HYDIN: variants seen among roughly 807,000 people sequenced by gnomAD.
HYDIN encodes axonemal central pair apparatus protein HYDIN.
HYDIN carries 132 observed loss-of-function variants against 403.9 expected under a neutral mutation model. The ratio of observed to expected loss-of-function variants is 0.33; its 90% CI spans 0.28 to 0.38. The LOEUF (loss-of-function observed/expected upper bound fraction) is 0.38, where lower values mean the gene tolerates loss of function less well. Among genes scored for constraint, HYDIN ranks in the 10% least tolerant of loss-of-function variants. The pLI, the probability that HYDIN is intolerant of heterozygous loss-of-function variation, is 1.00. For synonymous variants in HYDIN, 1,202 were observed against 1,891.7 expected (o/e 0.64, Z 9.46); for missense variants, 2,827 against 5,009.5 (o/e 0.56, Z 13.15).
intron 1 of HYDIN, among the ~76,000 whole-genome samples, chr16:71,210,271 A>G (rs1305545256): frequency 2.0e-5 from 3 of 152,252 alleles, no homozygotes; most frequent in Admixed American, 6.5e-5. Context: ...ATGCTCATCA[A>G]TGGTAGACTC....
At chr16:71,219,996 A>C (rs992783912) in intron 1 of HYDIN, among the ~76,000 whole-genome samples, 14 of 152,116 alleles carry the variant, frequency 9.2e-5, no homozygotes, top group Non-Finnish European at 1.5e-4. Flanking sequence ...TCTGAAATGT[A>C]CTCATCCCAA....
At chr16:71,054,225 G>T (rs550428797) in intron 18 of HYDIN, among the ~76,000 whole-genome samples, 9 of 152,398 alleles carry the variant, frequency 5.9e-5, no homozygotes, top group Non-Finnish European at 1.2e-4. Flanking sequence ...GAAACAAAAA[G>T]AATATAAAGA....
At chr16:70,836,352 A>C (rs1016674894) in intron 77 of HYDIN, among the ~76,000 whole-genome samples, 2 of 152,220 alleles carry the variant, frequency 1.3e-5, no homozygotes, top group African/African-American at 4.8e-5. Flanking sequence ...CTTTTAGGCC[A>C]TTGCTGAGTG....
At chr16:71,216,833 T>C (rs568196786) in intron 1 of HYDIN, among the ~76,000 whole-genome samples, 1 of 152,154 alleles carries the variant, frequency 6.6e-6, no homozygotes, top group Non-Finnish European at 1.5e-5. Context: ...TTCAAATAGG[T>C]CGCCTAAGTT....
chr16:71,066,533 A>G (rs1108873), intron 15 of HYDIN: 3 of 177,708 alleles, frequency 1.7e-5, no homozygotes, highest in Non-Finnish European at 3.6e-5. Flanking sequence ...TTTCCTATAC[A>G]TAGCATTTGC....
At chr16:71,050,029 T>A (rs59525815) in intron 18 of HYDIN, among the ~76,000 whole-genome samples, 6 of 145,186 alleles carry the variant, frequency 4.1e-5, no homozygotes, top group Non-Finnish European at 9.1e-5. Flanking sequence ...CTGGTTGGGG[T>A]GTGTGTGTGT....
chr16:70,809,964 G>T lies in HYDIN; in HGVS notation c.14702C>A (p.Thr4901Asn). The T allele has an allele frequency of 6.2e-7, 1 of 1,614,140 alleles. No individual in the cohort carries two copies. Among genetic ancestry groups the T allele is most frequent in the Non-Finnish European group, 8.5e-7 (1 of 1,180,008 alleles). The change falls in exon 85 of 86, where the codon ACC becomes AAC. Residue 4901 changes from threonine to asparagine, a missense_variant. Coordinates refer to ENST00000393567, the MANE Select transcript of HYDIN (RefSeq NM_001270974.2). ...FEFQPLKAGE[T>N]FGRLTLHNTD... ...GTTGTGCAAAGTTAGTCTTCCGAAG[G>T]TTTCTCCAGCTTTCAGGGGCTGAAA...
At chr16:70,829,040 A>ATGCT (rs1413713105) in intron 81 of HYDIN, among the ~76,000 whole-genome samples, 21 of 103,538 alleles carry the variant, frequency 2.0e-4, no homozygotes, top group Non-Finnish European at 7.6e-5. Context: ...TAATTACTTG[A>ATGCT]TGCTTGGTCT....
At chr16:70,976,996 CTG>C (rs747256787) in intron 30 of HYDIN, among the ~76,000 whole-genome samples, 1 of 152,180 alleles carries the variant, frequency 6.6e-6, no homozygotes, top group Non-Finnish European at 1.5e-5. Context: ...AAAGCCAACT[CTG>C]TGCTTGGCTC....
At chr16:71,211,503 G>A (rs565891088) in intron 1 of HYDIN, among the ~76,000 whole-genome samples, 4 of 151,976 alleles carry the variant, frequency 2.6e-5, no homozygotes, top group African/African-American at 7.3e-5. Flanking sequence ...TTAGCCGGGC[G>A]TGGTGAGGGG....
In HYDIN at chr16:71,067,374, T is replaced by C; in HGVS notation, c.1991A>G (p.Asn664Ser). 6.2e-7 allele frequency: 1 copy of C among 1,609,332 alleles called. No homozygotes were observed. The highest frequency in any genetic ancestry group is 8.5e-7 in the Non-Finnish European group (1 of 1,178,614). Residue 664 changes from asparagine (N) to serine (S), a missense_variant, in exon 15 of 86, where the codon AAC becomes AGC. By Grantham distance (46) the Asn-to-Ser change is conservative. Transcript: ENST00000393567. ...TGCCAGCTCGTATTTCTGCACAGTG[T>C]TGGAGCATAATGTCACCTGGAAAGA... The part of the protein sequence containing the change: ...FAAIRVTLCS[N>S]TVQKYELALV...
chr16:71,053,685 C>T (rs1273095237), intron 18 of HYDIN, among the ~76,000 whole-genome samples: 2 of 146,838 alleles, frequency 1.4e-5, no homozygotes, highest in South Asian at 2.2e-4. Flanking sequence ...TTTGGACACA[C>T]ATCAAATTCA....
chr16:70,975,215 G>A lies in HYDIN; in HGVS notation c.4693C>T (p.Leu1565=). 1.9e-6 allele frequency: 1 copy of A among 540,246 alleles called. No individual in the cohort carries two copies. Among genetic ancestry groups the A allele is most frequent in the Non-Finnish European group, 3.2e-6 (1 of 310,494 alleles). 33.5% of individuals were successfully genotyped at this position (540,246 alleles called of 1,614,324 possible). A position where few individuals can be genotyped will look rare whatever the true frequency, so the allele number is the denominator to read the frequency against. The part of the protein sequence containing the change: ...VERLIVQSYV[L]EHQKTTTPDP... ...GGGGTGGTTGTTTTCTGATGTTCTA[G>A]GACATAGCTTTGGACTATAAGTCTT... The change falls in exon 31 of 86, where the codon CTA becomes TTA. Residue 1565 remains leucine, a synonymous_variant. Transcript: ENST00000393567.
At chr16:71,006,809 G>C (rs1316368508) in intron 23 of HYDIN, among the ~76,000 whole-genome samples, 1 of 152,124 alleles carries the variant, frequency 6.6e-6, no homozygotes, top group Non-Finnish European at 1.5e-5. Flanking sequence ...ATTCCCACCA[G>C]ATTTCTTCAC....
At position 70,920,832 on chromosome 16, in the gene HYDIN, C is replaced by T. The variant is rs776395603; in HGVS notation, c.7544G>A (p.Arg2515His). The change falls in exon 46 of 86, where the codon CGC (arginine) becomes CAC (histidine). Residue 2515 changes from arginine to histidine, a missense_variant. Arg to His is a conservative substitution (Grantham distance 29). Coordinates refer to ENST00000393567, the MANE Select transcript of HYDIN (RefSeq NM_001270974.2). The part of the protein sequence containing the change: ...RRGRKDRERE[R>H]LEKERTEKER... ...CTTCTCCGTGCGCTCCTTCTCCAGGCGCTCTCTCTCCCGGTCCTTGCGGCC... is the reference window on the plus strand; with the variant it reads ...CTTCTCCGTGCGCTCCTTCTCCAGGTGCTCTCTCTCCCGGTCCTTGCGGCC... 3.6e-5 allele frequency: 57 copies of T among 1,575,244 alleles called. No individual in the cohort carries two copies. The highest frequency in any genetic ancestry group is 4.7e-5 in the Non-Finnish European group (54 of 1,159,550).
chr16:70,877,527 C>T (rs1444908234), intron 62 of HYDIN, among the ~76,000 whole-genome samples: 2 of 152,142 alleles, frequency 1.3e-5, no homozygotes, highest in Non-Finnish European at 2.9e-5. Flanking sequence ...TTCCATGGAC[C>T]AGGCAATGGG....
In HYDIN at chr16:70,978,960, T is replaced by C. The variant is rs2144011415; in HGVS notation, c.4592A>G (p.His1531Arg). 6.2e-7 allele frequency: 1 copy of C among 1,614,090 alleles called. No individual in the cohort carries two copies. Among genetic ancestry groups the C allele is most frequent in the East Asian group, 2.2e-5 (1 of 44,870 alleles). Reference protein sequence around the residue: ...KEYNKCEMLDHFDIITEEVPE... With the variant: ...KEYNKCEMLDRFDIITEEVPE... ...CACTTCCTCAGTTATTATGTCAAAGTGATCGAGCATTTCACATTTGTTATA... is the reference window on the plus strand; with the variant it reads ...CACTTCCTCAGTTATTATGTCAAAGCGATCGAGCATTTCACATTTGTTATA... Residue 1531 changes from histidine (H) to arginine (R), a missense_variant, in exon 30 of 86, where the codon CAC becomes CGC. Coordinates refer to ENST00000393567, the MANE Select transcript of HYDIN (RefSeq NM_001270974.2).
chr16:71,029,921 G>A lies in HYDIN; in HGVS notation c.2768+1758C>T, dbSNP rs1326709444. On this transcript the variant is annotated intron_variant, in intron 19 of 85. Coordinates refer to ENST00000393567, the MANE Select transcript of HYDIN (RefSeq NM_001270974.2). The stretch of plus-strand genomic sequence containing the variant: ...GAATACCTTCTGAGATCTGTTCACA[G>A]TACTGCAACAGATAAGTTCAAATTC... Among the ~76,000 whole-genome samples the A allele has an allele frequency of 5.9e-5, 9 of 152,146 alleles. 1 individual carries two copies. The South Asian group carries it at 1.9e-3, about 32-fold the overall frequency.
intron 5 of HYDIN, among the ~76,000 whole-genome samples, chr16:71,163,739 G>C (rs1310410420): frequency 1.3e-5 from 2 of 152,234 alleles, no homozygotes; most frequent in Non-Finnish European, 2.9e-5. Flanking sequence ...GCCACAATAA[G>C]CAGAGTTCCC....
Sources: allele counts gnomAD v4.1 joint callset (sites outside exome capture counted in the v4.1 genomes callset), GRCh38; gene constraint gnomAD v4.1.1; transcripts MANE v1.5; gene names NCBI Gene and HGNC (gene_info 2026-07-23, HGNC 2026-07-21).